ELOVL7: variants seen among roughly 807,000 people sequenced by gnomAD.
ELOVL7 encodes ELOVL fatty acid elongase 7.
ELOVL7 carries 27 observed loss-of-function variants against 35.7 expected under a neutral mutation model. The observed-to-expected ratio is 0.76, with a 90% CI of 0.56 to 1.04. The LOEUF (loss-of-function observed/expected upper bound fraction) is 1.04, where lower values mean the gene tolerates loss of function less well. Ranked by LOEUF, ELOVL7 falls within the 50% of genes least tolerant of loss-of-function variation. The pLI, the probability that ELOVL7 is intolerant of heterozygous loss-of-function variation, is 0.00. For missense variants in ELOVL7, 327 were observed against 340.8 expected (o/e 0.96, Z 0.32); for synonymous variants, 113 against 114.6 (o/e 0.99, Z 0.09).
At chr5:60,785,913 C>G (rs908997389) in intron 3 of ELOVL7, 2 of 152,176 alleles carry the variant, frequency 1.3e-5, no homozygotes, top group African/African-American at 4.8e-5. Context: ...GAGAAAGCTG[C>G]AAATGATGAA....
At chr5:60,774,677 T>C (rs759185502) in intron 3 of ELOVL7, among the ~76,000 whole-genome samples, 1 of 151,792 alleles carries the variant, frequency 6.6e-6, no homozygotes, top group East Asian at 1.9e-4. Flanking sequence ...GGCATCAAAA[T>C]TGGAAAAGAG....
chr5:60,792,664 A>T (rs1415513794), intron 2 of ELOVL7, among the ~76,000 whole-genome samples: 3 of 152,160 alleles, frequency 2.0e-5, no homozygotes, highest in Non-Finnish European at 4.4e-5. Context: ...CCTGGGCAAC[A>T]CAGCAAGACC....
chr5:60,835,540 T>C (rs1397600789), intron 1 of ELOVL7, among the ~76,000 whole-genome samples: 1 of 151,694 alleles, frequency 6.6e-6, no homozygotes, highest in African/African-American at 2.4e-5. Context: ...GCCTCTGGAG[T>C]AGCTAGGACT....
intron 3 of ELOVL7, among the ~76,000 whole-genome samples, chr5:60,779,822 T>A (rs1743127744): frequency 6.6e-6 from 1 of 152,234 alleles, no homozygotes; most frequent in Non-Finnish European, 1.5e-5. Context: ...ATCATCAGGC[T>A]GCAAATTTTC....
chr5:60,803,400 T>C (rs1294715656), intron 1 of ELOVL7, among the ~76,000 whole-genome samples: 1 of 152,222 alleles, frequency 6.6e-6, no homozygotes, highest in East Asian at 1.9e-4. Context: ...GCTGACAGCC[T>C]GAGCCTATCC....
chr5:60,767,929 G>C, intron 4 of ELOVL7, 26 bp from the exon 5 acceptor site: 1 of 1,587,020 alleles, frequency 6.3e-7, no homozygotes, highest in South Asian at 1.1e-5. Context: ...TGCATATTAA[G>C]AAAGGAAAGC....
intron 2 of ELOVL7, among the ~76,000 whole-genome samples, chr5:60,789,625 T>C (rs1359872466): frequency 1.3e-5 from 2 of 152,328 alleles, no homozygotes; most frequent in East Asian, 3.9e-4. Context: ...ACTTATCCTG[T>C]AGAAATACAT....
intron 2 of ELOVL7, among the ~76,000 whole-genome samples, chr5:60,792,815 T>C (rs1440798868): frequency 6.6e-6 from 1 of 152,216 alleles, no homozygotes; most frequent in Non-Finnish European, 1.5e-5. Flanking sequence ...AGTTCAGACC[T>C]GGTGATGGCT....
intron 1 of ELOVL7, among the ~76,000 whole-genome samples, chr5:60,803,689 T>C (rs1395713555): frequency 6.6e-6 from 1 of 152,194 alleles, no homozygotes; most frequent in Admixed American, 6.5e-5. Context: ...CATGAACTCA[T>C]GTTGTTCTGA....
intron 7 of ELOVL7, among the ~76,000 whole-genome samples, chr5:60,760,448 T>C (rs1348928461): frequency 6.6e-6 from 1 of 152,232 alleles, no homozygotes; most frequent in Non-Finnish European, 1.5e-5. Flanking sequence ...TTTTGAGAAG[T>C]GTCTGTTCAT....
At chr5:60,811,389 C>T (rs1745228853) in intron 1 of ELOVL7, among the ~76,000 whole-genome samples, 1 of 152,144 alleles carries the variant, frequency 6.6e-6, no homozygotes, top group African/African-American at 2.4e-5. Flanking sequence ...AGTAGTCCAT[C>T]TGACTTATTT....
intron 3 of ELOVL7, among the ~76,000 whole-genome samples, chr5:60,781,215 A>G (rs1459139581): frequency 6.6e-6 from 1 of 150,732 alleles, no homozygotes; most frequent in Non-Finnish European, 1.5e-5. Context: ...TGTCTCAGAA[A>G]AAAAAAAAAA....
intron 3 of ELOVL7, among the ~76,000 whole-genome samples, chr5:60,776,141 T>C (rs1742889657): frequency 1.3e-5 from 2 of 151,894 alleles, no homozygotes; most frequent in Non-Finnish European, 2.9e-5. Context: ...ATAAATAACT[T>C]CATTAAAAAG....
intron 2 of ELOVL7, among the ~76,000 whole-genome samples, chr5:60,788,253 G>C (rs1014274410): frequency 6.6e-6 from 1 of 151,868 alleles, no homozygotes; most frequent in African/African-American, 2.4e-5. Context: ...GTAAAATCAG[G>C]ACTCACCTTC....
At chr5:60,785,254 T>C (rs892511769) in intron 3 of ELOVL7, among the ~76,000 whole-genome samples, 2 of 152,204 alleles carry the variant, frequency 1.3e-5, no homozygotes, top group African/African-American at 4.8e-5. Flanking sequence ...GCAATGCTGT[T>C]GTCAGGACTC....
intron 1 of ELOVL7, among the ~76,000 whole-genome samples, chr5:60,835,190 GAAA>G (rs60918884): frequency 3.7e-5 from 3 of 81,388 alleles, no homozygotes; most frequent in Non-Finnish European, 2.5e-5. Context: ...ATCCCATCTT[GAAA>G]AAAAAAAAAA....
At chr5:60,773,285 T>C (rs1433838551) in intron 3 of ELOVL7, among the ~76,000 whole-genome samples, 1 of 152,178 alleles carries the variant, frequency 6.6e-6, no homozygotes, top group African/African-American at 2.4e-5. Context: ...TGCTAACTAC[T>C]GTCACTTTTA....
intron 1 of ELOVL7, among the ~76,000 whole-genome samples, chr5:60,804,058 G>C (rs1293498607): frequency 3.3e-5 from 5 of 152,160 alleles, no homozygotes; most frequent in African/African-American, 9.7e-5. Context: ...TCTTGAGTTT[G>C]AGCAGAGGCA....
At chr5:60,786,329 C>A (rs569190827) in intron 3 of ELOVL7, among the ~76,000 whole-genome samples, 1 of 152,122 alleles carries the variant, frequency 6.6e-6, no homozygotes, top group South Asian at 2.1e-4. Flanking sequence ...AAAAGCAACA[C>A]AACATATTTG....
Sources: allele counts gnomAD v4.1 joint callset (sites outside exome capture counted in the v4.1 genomes callset), GRCh38; gene constraint gnomAD v4.1.1; transcripts MANE v1.5; gene names NCBI Gene and HGNC (gene_info 2026-07-23, HGNC 2026-07-21).